AGBL4: variants seen among roughly 807,000 people sequenced by gnomAD.
AGBL4 encodes the protein cytosolic carboxypeptidase 6.
In AGBL4, 58 loss-of-function variants were observed where a neutral mutation model predicts 66.4. That is an observed-to-expected ratio of 0.87 (90% CI 0.71 to 1.09). The LOEUF (loss-of-function observed/expected upper bound fraction) is 1.09. AGBL4 is among the 50% of genes least tolerant of loss of function. AGBL4 has a pLI of 0.00. For missense variants in AGBL4, 579 were observed against 631.0 expected, an observed-to-expected ratio of 0.92 and a Z score of 0.88; for synonymous variants, 234 against 222.9, an observed-to-expected ratio of 1.05 and a Z score of -0.44.
At chr1:49,241,518 T>C (rs1651234610) in intron 4 of AGBL4, among the ~76,000 whole-genome samples, 1 of 152,072 alleles carries the variant, frequency 6.6e-6, no homozygotes, top group East Asian at 1.9e-4. Flanking sequence ...TAACTGTTAT[T>C]ACAAAGTTCT....
intron 9 of AGBL4, among the ~76,000 whole-genome samples, chr1:48,598,802 A>T (rs1645034089): frequency 6.6e-6 from 1 of 151,996 alleles, no homozygotes; most frequent in South Asian, 2.1e-4. Context: ...AAAACATTTT[A>T]GTTCTTCAAT....
Position 49,502,755 on chromosome 1 carries a change from C to T in AGBL4, c.282+194558G>A, listed in dbSNP as rs552600263. 3.3e-5 allele frequency among the ~76,000 whole-genome samples: 5 copies of T among 152,008 alleles called. No homozygotes were observed. The South Asian group carries it at 8.3e-4, about 25-fold the overall frequency. ...AGTAAAGAGACTGATGGTATTTTAC[C>T]CCTGCCCTAGAGAATCTGTGGAACT... is the stretch of plus-strand genomic sequence containing the variant. On this transcript the variant is annotated intron_variant, in intron 3 of 13. Transcript: ENST00000371839.
In AGBL4 at chr1:48,533,444, C is replaced by T. The variant is rs1643921921; in HGVS notation, c.*729G>A. 1 of 152,320 alleles carries T rather than the reference C, an allele frequency of 6.6e-6. No homozygotes were observed. The highest frequency in any genetic ancestry group is 1.5e-5 in the Non-Finnish European group (1 of 68,158). 9.4% of individuals were successfully genotyped at this position (152,320 alleles called of 1,614,324 possible). ...CATCTTCAGGGGCCAGGCTTAATCC[C>T]TGTCACCTGGGATCTGGAGACCTTA... On this transcript the variant is annotated 3_prime_UTR_variant, in exon 14 of 14. Coordinates refer to ENST00000371839, the MANE Select transcript of AGBL4 (RefSeq NM_032785.4).
chr1:48,847,271 G>T (rs904595600), intron 6 of AGBL4, among the ~76,000 whole-genome samples: 3 of 152,094 alleles, frequency 2.0e-5, no homozygotes, highest in Admixed American at 6.6e-5. Context: ...TTGCACTCTA[G>T]CCTGGGCAAC....
At chr1:48,886,251 C>G (rs1380543923) in intron 5 of AGBL4, among the ~76,000 whole-genome samples, 1 of 152,138 alleles carries the variant, frequency 6.6e-6, no homozygotes, top group Non-Finnish European at 1.5e-5. Context: ...GGGTCCCGTT[C>G]CACTGCACAG....
intron 4 of AGBL4, among the ~76,000 whole-genome samples, chr1:49,135,166 T>C (rs1030759988): frequency 2.6e-5 from 4 of 152,016 alleles, no homozygotes; most frequent in African/African-American, 9.7e-5. Flanking sequence ...ATGGTATAGA[T>C]ATAGGTATAC....
At chr1:49,143,130 C>T (rs1173640445) in intron 4 of AGBL4, among the ~76,000 whole-genome samples, 1 of 152,136 alleles carries the variant, frequency 6.6e-6, no homozygotes, top group East Asian at 1.9e-4. Flanking sequence ...TGCCTACTCC[C>T]ACCTCCCAAT....
chr1:48,607,084 C>T (rs1302377015), intron 9 of AGBL4, among the ~76,000 whole-genome samples: 1 of 152,098 alleles, frequency 6.6e-6, no homozygotes, highest in African/African-American at 2.4e-5. Flanking sequence ...GTCCAAGTGC[C>T]TGAAACATAG....
chr1:48,845,629 G>T (rs1646892122), intron 6 of AGBL4, among the ~76,000 whole-genome samples: 1 of 152,200 alleles, frequency 6.6e-6, no homozygotes, highest in Non-Finnish European at 1.5e-5. Flanking sequence ...AGCTAACTTA[G>T]CTAGCATTGT....
chr1:49,333,956 T>C (rs1469645261), intron 3 of AGBL4, among the ~76,000 whole-genome samples: 1 of 152,206 alleles, frequency 6.6e-6, no homozygotes, highest in Non-Finnish European at 1.5e-5. Flanking sequence ...TAAGAGCAGA[T>C]GCAGGCTCCT....
intron 2 of AGBL4, among the ~76,000 whole-genome samples, chr1:49,799,432 C>T (rs749926434): frequency 2.6e-5 from 4 of 152,148 alleles, no homozygotes; most frequent in African/African-American, 4.8e-5. Context: ...CTTATTGTAT[C>T]ACTATAGTCC....
chr1:49,748,335 A>T (rs1651162305), intron 2 of AGBL4, among the ~76,000 whole-genome samples: 1 of 152,174 alleles, frequency 6.6e-6, no homozygotes, highest in Admixed American at 6.6e-5. Context: ...TTCAAAGGAC[A>T]TGAACTCATT....
At chr1:48,929,652 A>G (rs1422817047) in intron 5 of AGBL4, among the ~76,000 whole-genome samples, 4 of 152,144 alleles carry the variant, frequency 2.6e-5, no homozygotes, top group Non-Finnish European at 5.9e-5. Context: ...TCGTCACTGT[A>G]TTTTTGACAT....
At chr1:49,562,367 A>T (rs1644070839) in intron 3 of AGBL4, among the ~76,000 whole-genome samples, 1 of 152,090 alleles carries the variant, frequency 6.6e-6, no homozygotes, top group African/African-American at 2.4e-5. Context: ...GGTGTTTTAT[A>T]CATGAAGTCC....
In AGBL4 at chr1:48,715,268, T is replaced by C. The variant is rs184173367; in HGVS notation, c.635-52027A>G. 5.5e-3 allele frequency among the ~76,000 whole-genome samples: 832 copies of C among 152,238 alleles called. 7 individuals are homozygous for C. The highest frequency in any genetic ancestry group is 6.7e-3 in the Non-Finnish European group (456 of 67,992). Reference sequence around the variant, plus strand: ...TCTCACCTGAGAATCAGCACAGCAGTTGCCTCCCCTGGGACACTCAAGGAG... The same window carrying C: ...TCTCACCTGAGAATCAGCACAGCAGCTGCCTCCCCTGGGACACTCAAGGAG... On this transcript the variant is annotated intron_variant, in intron 6 of 13. Transcript: ENST00000371839.
intron 2 of AGBL4, among the ~76,000 whole-genome samples, chr1:49,793,586 T>TA (rs1644657469): frequency 6.6e-6 from 1 of 151,964 alleles, no homozygotes; most frequent in South Asian, 2.1e-4. Context: ...GCGTAAATAG[T>TA]AGGTCTCAAC....
chr1:48,926,762 A>G (rs1654613105), intron 5 of AGBL4, among the ~76,000 whole-genome samples: 1 of 152,194 alleles, frequency 6.6e-6, no homozygotes, highest in Admixed American at 6.5e-5. Flanking sequence ...TCAGGGAGAT[A>G]AAGACTGACT....
At chr1:49,787,502 C>CA (rs201411173) in intron 2 of AGBL4, among the ~76,000 whole-genome samples, 11,238 of 74,118 alleles carry the variant, frequency 0.15, 565 homozygotes, top group African/African-American at 0.24. Flanking sequence ...GACTCTGTCT[C>CA]AAAAAAAAAA....
intron 6 of AGBL4, among the ~76,000 whole-genome samples, chr1:48,834,399 T>C (rs569555933): frequency 9.9e-5 from 15 of 152,174 alleles, no homozygotes; most frequent in African/African-American, 3.4e-4. Flanking sequence ...GGGCGGAATA[T>C]TGTGGTCTGA....
Sources: allele counts gnomAD v4.1 joint callset (sites outside exome capture counted in the v4.1 genomes callset), GRCh38; gene constraint gnomAD v4.1.1; transcripts MANE v1.5; gene names NCBI Gene and HGNC (gene_info 2026-07-23, HGNC 2026-07-21).